The following TDP1 variants were observed in gnomAD, a reference collection of about 807,000 sequenced individuals.
The protein encoded by TDP1 is tyrosyl-DNA phosphodiesterase 1, also known as tyr-DNA phosphodiesterase 1.
A neutral mutation model predicts 81.5 loss-of-function variants in TDP1; 64 were observed. The observed-to-expected ratio is 0.79, with a 90% CI of 0.64 to 0.97. The LOEUF (loss-of-function observed/expected upper bound fraction) is 0.97. TDP1 is among the 50% of genes least tolerant of loss of function. TDP1 has a pLI of 0.00. For missense variants in TDP1, 723 were observed against 743.8 expected (o/e 0.97, Z 0.33); for synonymous variants, 256 against 264.3 (o/e 0.97, Z 0.30).
At chr14:89,970,807 T>C in intron 5 of TDP1, 1 of 918,542 alleles carries the variant, frequency 1.1e-6, no homozygotes. Context: ...CGAGTCCAGC[T>C]TCATGAATGA....
At chr14:90,042,743 A>C (rs1192188939) in intron 16 of TDP1, 1 of 288,460 alleles carries the variant, frequency 3.5e-6, no homozygotes, top group Non-Finnish European at 5.2e-6. Context: ...TGAGAACAGC[A>C]TGGGAAAGAC....
chr14:89,983,268 C>A (rs550352271), intron 8 of TDP1: 2 of 391,564 alleles, frequency 5.1e-6, no homozygotes, highest in Non-Finnish European at 1.0e-5. Flanking sequence ...ACAGAGCTTA[C>A]CCAAAATGGT....
chr14:90,003,083 G>A (rs535697203), intron 14 of TDP1, among the ~76,000 whole-genome samples: 2 of 151,980 alleles, frequency 1.3e-5, no homozygotes, highest in East Asian at 2.0e-4. Context: ...GACTACAGGC[G>A]CATGCCACCA....
chr14:90,034,493 G>A (rs1189183414), intron 16 of TDP1, among the ~76,000 whole-genome samples: 1 of 152,212 alleles, frequency 6.6e-6, no homozygotes, highest in Non-Finnish European at 1.5e-5. Flanking sequence ...TGGCATCAGT[G>A]TACCCACCTA....
chr14:90,022,986 A>C (rs548795996), intron 15 of TDP1: 4 of 749,554 alleles, frequency 5.3e-6, no homozygotes, highest in Middle Eastern at 2.3e-4. Context: ...ACCCACCTCC[A>C]TACTCACTTC....
intron 14 of TDP1, among the ~76,000 whole-genome samples, chr14:89,995,218 A>G (rs1896562071): frequency 6.6e-6 from 1 of 152,214 alleles, no homozygotes; most frequent in South Asian, 2.1e-4. Flanking sequence ...TTCATTCAGT[A>G]ATTTCAATAT....
At chr14:90,001,887 C>T (rs1235119954) in intron 14 of TDP1, among the ~76,000 whole-genome samples, 1 of 151,956 alleles carries the variant, frequency 6.6e-6, no homozygotes, top group African/African-American at 2.4e-5. Context: ...CTCACTGCTT[C>T]TGTAGGCATC....
chr14:89,990,604 A>G (rs1339355663), intron 12 of TDP1, among the ~76,000 whole-genome samples: 1 of 129,738 alleles, frequency 7.7e-6, no homozygotes, highest in Admixed American at 8.7e-5. Flanking sequence ...ACCGAGACCC[A>G]GGGATACAGT....
chr14:89,983,340 C>T (rs1895202410), intron 8 of TDP1: 1 of 298,502 alleles, frequency 3.4e-6, no homozygotes, highest in African/African-American at 2.2e-5. Flanking sequence ...ACCATGCTAC[C>T]TCCTGTGCTA....
chr14:90,014,705 C>T (rs1008922443), intron 14 of TDP1, among the ~76,000 whole-genome samples: 1 of 152,252 alleles, frequency 6.6e-6, no homozygotes, highest in African/African-American at 2.4e-5. Context: ...TATCAGTGGA[C>T]GTATGTTCCC....
In TDP1 at chr14:90,022,070, T is replaced by C. The variant is rs1360992910; in HGVS notation, c.1644+2652T>C. On this transcript the variant is annotated intron_variant, in intron 15 of 16. Coordinates refer to ENST00000335725, the MANE Select transcript of TDP1 (RefSeq NM_018319.4). ...CATTGTGGACGGTACACAGAATGGC[T>C]TTACCCTTCCCCTCCCAGGGAGCTC... is the stretch of plus-strand genomic sequence containing the variant. 3.9e-5 allele frequency among the ~76,000 whole-genome samples: 6 copies of C among 152,300 alleles called. No individual in the cohort carries two copies. The South Asian group carries it at 1.2e-3, about 32-fold the overall frequency.
chr14:90,038,718 A>G (rs1888063519), intron 16 of TDP1, among the ~76,000 whole-genome samples: 1 of 152,122 alleles, frequency 6.6e-6, no homozygotes, highest in East Asian at 1.9e-4. Flanking sequence ...CATGCCTGTA[A>G]TCCCAAGTAC....
chr14:89,984,913 C>G (rs1292221915), intron 9 of TDP1: 1 of 985,122 alleles, frequency 1.0e-6, no homozygotes, highest in Non-Finnish European at 1.2e-6. Flanking sequence ...CTGGGTTACT[C>G]TCACAATTAT....
At position 90,037,039 on chromosome 14, in the gene TDP1, T is replaced by G. The variant is rs1366428378; in HGVS notation, c.1753+3825T>G. ...GTTGCCCAGGCTGGTCTTGAACTCC[T>G]GGGCTCAAGTAGTCATCCTGCCTTG... On this transcript the variant is annotated intron_variant, in intron 16 of 16. Transcript: ENST00000335725. Among the ~76,000 whole-genome samples the G allele has an allele frequency of 2.0e-5, 3 of 152,302 alleles. No individual in the cohort carries two copies. In the East Asian group the frequency reaches 5.8e-4, roughly 29 times the overall value.
chr14:89,966,764 G>A (rs543273550), intron 4 of TDP1, among the ~76,000 whole-genome samples: 3 of 152,264 alleles, frequency 2.0e-5, no homozygotes, highest in South Asian at 4.2e-4. Flanking sequence ...GGAAGGTGGG[G>A]AGCATTTGCA....
At chr14:90,030,771 CTT>C (rs36117061) in intron 15 of TDP1, among the ~76,000 whole-genome samples, 21 of 145,358 alleles carry the variant, frequency 1.4e-4, no homozygotes, top group East Asian at 8.0e-4. Context: ...CATTTTTACT[CTT>C]TTTTTTTTTT....
rs1047843641 is a variant in TDP1, at chr14:89,993,569, A to G, written c.1541+86A>G. The G allele has an allele frequency of 4.5e-6, 7 of 1,547,332 alleles. No individual in the cohort carries two copies. The highest frequency in any genetic ancestry group is 6.1e-6 in the Non-Finnish European group (7 of 1,146,392). ...CTGAATGTTGAATGGGTTTCTAAAA[A>G]GTGATTAGTGAGTTGTCATTAGTTT... is the stretch of plus-strand genomic sequence containing the variant. On this transcript the variant is annotated intron_variant, in intron 14 of 16. Transcript: ENST00000335725.
At chr14:89,962,003 A>G (rs1343515914) in intron 2 of TDP1, among the ~76,000 whole-genome samples, 5 of 152,174 alleles carry the variant, frequency 3.3e-5, no homozygotes, top group Admixed American at 3.3e-4. Flanking sequence ...GTCTACTTAG[A>G]TAGTCCTTTA....
chr14:90,043,109 C>G lies in TDP1; in HGVS notation c.1793C>G (p.Pro598Arg). 9.9e-6 allele frequency: 16 copies of G among 1,614,138 alleles called. No homozygotes were observed. The highest frequency in any genetic ancestry group is 1.3e-5 in the Non-Finnish European group (15 of 1,180,020). Residue 598 changes from proline to arginine, a missense_variant, in exon 17 of 17, where the codon CCG (proline) becomes CGG (arginine). Physicochemically the swap from Pro to Arg is moderately radical, Grantham distance 103 (BLOSUM62 -2). Coordinates refer to ENST00000335725, the MANE Select transcript of TDP1 (RefSeq NM_018319.4). ...WIWNIPYVKAPDTHGNMWVPS is the reference protein window; with the variant it reads ...WIWNIPYVKARDTHGNMWVPS ...TGGAACATTCCTTATGTCAAAGCACCGGATACGCATGGGAACATGTGGGTG... is the reference window on the plus strand; with the variant it reads ...TGGAACATTCCTTATGTCAAAGCACGGGATACGCATGGGAACATGTGGGTG...
Sources: allele counts gnomAD v4.1 joint callset (sites outside exome capture counted in the v4.1 genomes callset), GRCh38; gene constraint gnomAD v4.1.1; transcripts MANE v1.5; gene names NCBI Gene and HGNC (gene_info 2026-07-23, HGNC 2026-07-21).